Variants in RTN1 observed in about 807,000 individuals in gnomAD.
RTN1 encodes the protein reticulon-1.
RTN1 carries 25 observed loss-of-function variants against 65.5 expected under a neutral mutation model. That is an observed-to-expected ratio of 0.38 (90% CI 0.28 to 0.53). RTN1 has a LOEUF of 0.53. Among genes scored for constraint, RTN1 ranks in the 20% least tolerant of loss-of-function variants. The pLI, the probability that RTN1 is intolerant of heterozygous loss-of-function variation, is 0.79. For missense variants in RTN1, 983 were observed against 1,025.4 expected (o/e 0.96, Z 0.57); for synonymous variants, 471 against 447.6 (o/e 1.05, Z -0.66).
chr14:59,797,886 G>A (rs1388769211), intron 1 of RTN1, among the ~76,000 whole-genome samples: 1 of 152,138 alleles, frequency 6.6e-6, no homozygotes, highest in African/African-American at 2.4e-5. Flanking sequence ...ACCCAGTGAT[G>A]CCAACATTTT....
intron 1 of RTN1, among the ~76,000 whole-genome samples, chr14:59,786,107 T>C (rs565470206): frequency 6.6e-6 from 1 of 152,156 alleles, no homozygotes; most frequent in African/African-American, 2.4e-5. Context: ...TAGAAGTCAA[T>C]GTCCCAGTGA....
intron 8 of RTN1, among the ~76,000 whole-genome samples, chr14:59,601,957 G>T (rs1881592368): frequency 6.6e-6 from 1 of 152,088 alleles, no homozygotes; most frequent in Non-Finnish European, 1.5e-5. Context: ...TTACACCTGG[G>T]TCCAAGCTGA....
intron 3 of RTN1, among the ~76,000 whole-genome samples, chr14:59,630,259 G>GA (rs1483959549): frequency 2.7e-5 from 4 of 150,666 alleles, no homozygotes; most frequent in Non-Finnish European, 3.0e-5. Flanking sequence ...AAAAAAAAAA[G>GA]AAAAAAACAA....
rs1007091068 is a variant in RTN1 at position 59,774,449 on chromosome 14, G to A, written c.242-27968C>T. On this transcript the variant is annotated intron_variant, in intron 1 of 8. Coordinates refer to ENST00000267484, the MANE Select transcript of RTN1 (RefSeq NM_021136.3). The surrounding 1 kb of genome is among the most constrained non-coding windows in gnomAD (Gnocchi z 5.1). ...CCTGCTGTTCTAGCTGTGTCAACAC[G>A]GGCAAAATTGAGAGCTGAAGTAATT... Among the ~76,000 whole-genome samples the A allele has an allele frequency of 3.3e-5, 5 of 152,200 alleles. No homozygotes were observed. The highest frequency in any genetic ancestry group is 2.1e-4 in the South Asian group (1 of 4,820).
At chr14:59,680,239 T>C (rs1456523584) in intron 3 of RTN1, among the ~76,000 whole-genome samples, 2 of 152,278 alleles carry the variant, frequency 1.3e-5, no homozygotes, top group East Asian at 1.9e-4. Flanking sequence ...TCCTCCAAAA[T>C]AGACAATTGT....
At chr14:59,709,384 A>G (rs1474449880) in intron 3 of RTN1, among the ~76,000 whole-genome samples, 2 of 152,194 alleles carry the variant, frequency 1.3e-5, no homozygotes, top group African/African-American at 2.4e-5. Context: ...CAAATCACAG[A>G]TGAGAGTTAG....
At chr14:59,675,510 T>G (rs1052596320) in intron 3 of RTN1, among the ~76,000 whole-genome samples, 3 of 151,422 alleles carry the variant, frequency 2.0e-5, no homozygotes, top group African/African-American at 7.3e-5. Flanking sequence ...TCTAGTTCAA[T>G]ATGTTCTTTC....
chr14:59,749,667 A>ATT (rs1885385414), intron 1 of RTN1, among the ~76,000 whole-genome samples: 2 of 92,050 alleles, frequency 2.2e-5, no homozygotes, highest in African/African-American at 6.0e-5. Flanking sequence ...ATATCTATAT[A>ATT]TATTTATATA....
At position 59,727,711 on chromosome 14, in the gene RTN1, A is replaced by G; in HGVS notation, c.1016-43T>C. On this transcript the variant is annotated intron_variant, in intron 2 of 8. Coordinates refer to ENST00000267484, the MANE Select transcript of RTN1 (RefSeq NM_021136.3). The surrounding 1 kb of genome is among the most constrained non-coding windows in gnomAD (Gnocchi z 4.2). The stretch of plus-strand genomic sequence containing the variant: ...GAAGGAGAGCCACGGAGGCACACAC[A>G]CGGACAGACAGATGGACAGAGAGAG... 2 of 1,532,798 alleles carry G rather than the reference A, an allele frequency of 1.3e-6. No individual in the cohort carries two copies. The highest frequency in any genetic ancestry group is 1.8e-6 in the Non-Finnish European group (2 of 1,141,364). The allele number at this position is 1,532,798 out of a possible 1,614,324, so 94.9% of individuals were successfully genotyped here.
At chr14:59,732,934 C>T (rs1055652370) in intron 2 of RTN1, among the ~76,000 whole-genome samples, 11 of 152,246 alleles carry the variant, frequency 7.2e-5, no homozygotes, top group South Asian at 6.2e-4. Context: ...TGGAGCCCCC[C>T]GGTGGGAGTG....
chr14:59,681,931 A>G (rs1465613637), intron 3 of RTN1, among the ~76,000 whole-genome samples: 1 of 152,218 alleles, frequency 6.6e-6, no homozygotes, highest in East Asian at 1.9e-4. Context: ...GACCCTCGTC[A>G]CTGCTCACTA....
At chr14:59,815,388 C>T (rs1886801440) in intron 1 of RTN1, among the ~76,000 whole-genome samples, 1 of 152,164 alleles carries the variant, frequency 6.6e-6, no homozygotes, top group Non-Finnish European at 1.5e-5. Context: ...GGAGCTATCA[C>T]TTCACTGCTC....
At chr14:59,822,475 G>C (rs1346017578) in intron 1 of RTN1, among the ~76,000 whole-genome samples, 1 of 152,080 alleles carries the variant, frequency 6.6e-6, no homozygotes, top group African/African-American at 2.4e-5. Flanking sequence ...TAGTTTCACT[G>C]TTCTTTTATA....
At chr14:59,773,404 A>C (rs1885994105) in intron 1 of RTN1, among the ~76,000 whole-genome samples, 1 of 152,178 alleles carries the variant, frequency 6.6e-6, no homozygotes, top group Admixed American at 6.6e-5. Flanking sequence ...ATAAATGAAG[A>C]AGTATTATAT....
chr14:59,633,575 G>C (rs1882601045), intron 3 of RTN1, among the ~76,000 whole-genome samples: 1 of 152,224 alleles, frequency 6.6e-6, no homozygotes, highest in African/African-American at 2.4e-5. Context: ...AATGGGTAGA[G>C]AAGATATGTA....
intron 3 of RTN1, among the ~76,000 whole-genome samples, chr14:59,724,504 G>C (rs534207998): frequency 6.6e-6 from 1 of 152,210 alleles, no homozygotes; most frequent in Non-Finnish European, 1.5e-5. Context: ...GAAGCTGACC[G>C]GACCTCACTG....
intron 3 of RTN1, among the ~76,000 whole-genome samples, chr14:59,678,756 C>T (rs1883681911): frequency 6.6e-6 from 1 of 152,188 alleles, no homozygotes; most frequent in Non-Finnish European, 1.5e-5. Flanking sequence ...AACAGACTGA[C>T]ATGCTGATCT....
At chr14:59,621,249 C>A (rs1203395337) in intron 3 of RTN1, among the ~76,000 whole-genome samples, 4 of 152,150 alleles carry the variant, frequency 2.6e-5, no homozygotes, top group African/African-American at 9.7e-5. Context: ...TCTGGTATAA[C>A]AAAATATGAT....
At chr14:59,629,294 G>A (rs887013895) in intron 3 of RTN1, among the ~76,000 whole-genome samples, 1 of 152,172 alleles carries the variant, frequency 6.6e-6, no homozygotes, top group Non-Finnish European at 1.5e-5. Flanking sequence ...AAGGTAAGCA[G>A]GCTTTTAATT....
Sources: gnomAD v4.1 joint callset for allele counts (sites outside exome capture counted in the v4.1 genomes callset) on GRCh38, gnomAD v4.1.1 for gene constraint, Gnocchi (gnomAD v3.1) non-coding constraint, MANE v1.5 for transcripts, NCBI Gene and HGNC (gene_info 2026-07-23, HGNC 2026-07-21) for gene names.